The following MOCOS variants were observed in gnomAD, a reference collection of about 807,000 sequenced individuals.
MOCOS encodes the protein human molybdenum cofactor sulfurase.
In MOCOS, 86 loss-of-function variants were observed where a neutral mutation model predicts 83.6. The observed-to-expected ratio is 1.03, with a 90% CI of 0.86 to 1.23. MOCOS has a LOEUF of 1.23. Ranked by LOEUF, MOCOS falls within the 50% of genes most tolerant of loss-of-function variation. The pLI is 0.00. For missense variants in MOCOS, 1,120 were observed against 1,126.9 expected (o/e 0.99, Z 0.09); for synonymous variants, 445 against 434.7 (o/e 1.02, Z -0.29).
chr18:36,212,883 G>A (rs547591393), intron 6 of MOCOS, among the ~76,000 whole-genome samples: 35 of 152,330 alleles, frequency 2.3e-4, no homozygotes, highest in African/African-American at 8.4e-4. Flanking sequence ...GGGGAATGGA[G>A]TACTTGATTC....
intron 6 of MOCOS, 40 bp downstream of exon 6, chr18:36,205,316 A>T: frequency 6.3e-7 from 1 of 1,576,676 alleles, no homozygotes; most frequent in South Asian, 1.1e-5. Flanking sequence ...ATTACAACTC[A>T]TCCTAGTTCC....
rs766390655 is a variant in MOCOS at position 36,200,062 on chromosome 18, G to A, written c.679G>A (p.Val227Met). 7.4e-6 allele frequency: 12 copies of A among 1,614,036 alleles called. No individual in the cohort carries two copies. The highest frequency in any genetic ancestry group is 1.0e-5 in the Non-Finnish European group (12 of 1,180,008). Reference protein sequence around the residue: ...EEVKSGRLHPVSTPGKWFVLL... With the variant: ...EEVKSGRLHPMSTPGKWFVLL... ...GGTCAAGTCTGGGCGGTTGCACCCT[G>A]TGAGCACGCCTGGGAAGTGGTTTGT... Residue 227 changes from valine (V) to methionine (M), a missense_variant, in exon 4 of 15, where the codon GTG (valine) becomes ATG (methionine). Coordinates refer to ENST00000261326, the MANE Select transcript of MOCOS (RefSeq NM_017947.4).
chr18:36,222,168 T>C (rs2091498678), intron 9 of MOCOS, among the ~76,000 whole-genome samples: 1 of 152,234 alleles, frequency 6.6e-6, no homozygotes, highest in South Asian at 2.1e-4. Context: ...ATCTTGGCTA[T>C]TGGAAATAGA....
At chr18:36,266,725 T>A in intron 13 of MOCOS, 24 bp from the exon 14 acceptor site, 1 of 1,603,280 alleles carries the variant, frequency 6.2e-7, no homozygotes, top group Non-Finnish European at 8.5e-7. Flanking sequence ...GTGGCAACGC[T>A]GTGTTTTCCT....
At chr18:36,267,123 T>C (rs1374763095) in intron 14 of MOCOS, among the ~76,000 whole-genome samples, 1 of 152,190 alleles carries the variant, frequency 6.6e-6, no homozygotes, top group Non-Finnish European at 1.5e-5. Context: ...AAACAAGTAA[T>C]TCTGTTGTCT....
chr18:36,229,394 C>G (rs989509510), intron 9 of MOCOS, among the ~76,000 whole-genome samples: 16 of 152,064 alleles, frequency 1.1e-4, no homozygotes, highest in Admixed American at 1.0e-3. Context: ...TATGAGGGTT[C>G]CCTTGTATAT....
chr18:36,194,491 T>C (rs1053467760), intron 1 of MOCOS, among the ~76,000 whole-genome samples: 4 of 152,232 alleles, frequency 2.6e-5, no homozygotes, highest in Non-Finnish European at 4.4e-5. Context: ...TTGCAGGCAA[T>C]AGTTCGTCGA....
chr18:36,222,021 GCCCTATTAT>G (rs1289961514), intron 9 of MOCOS, among the ~76,000 whole-genome samples: 1 of 152,152 alleles, frequency 6.6e-6, no homozygotes, highest in Admixed American at 6.6e-5. Context: ...CACTGCGCTG[GCCCTATTAT>G]CCCATTTGTT....
intron 7 of MOCOS, among the ~76,000 whole-genome samples, 171 bp downstream of exon 7, chr18:36,213,653 G>A (rs1299762904): frequency 6.6e-6 from 1 of 152,238 alleles, no homozygotes; most frequent in Non-Finnish European, 1.5e-5. Flanking sequence ...AGAAGGCCGG[G>A]TGCGGTGGCT....
intron 11 of MOCOS, among the ~76,000 whole-genome samples, chr18:36,254,458 C>CTGTGTG (rs60813321): frequency 0.034 from 4,658 of 138,836 alleles, 116 homozygotes; most frequent in African/African-American, 0.069. Flanking sequence ...TACATTATCT[C>CTGTGTG]TGTGTGTGTG....
At chr18:36,218,808 C>T (rs2091484381) in intron 8 of MOCOS, among the ~76,000 whole-genome samples, 1 of 151,808 alleles carries the variant, frequency 6.6e-6, no homozygotes, top group African/African-American at 2.4e-5. Flanking sequence ...ACATAAGCCA[C>T]TGCGCCCAGC....
In MOCOS at chr18:36,266,966, A is replaced by G. The variant is rs1373938955; in HGVS notation, c.2514+113A>G. On this transcript the variant is annotated intron_variant, in intron 14 of 14. Transcript: ENST00000261326. ...TTTTTAAATGGGGGATTTGCTGCCC[A>G]TCCAAAGCTGTTGGGCTGCCATTAA... 15 of 898,462 alleles carry G rather than the reference A, an allele frequency of 1.7e-5. No individual in the cohort carries two copies. The East Asian group carries it at 1.8e-4, about 11-fold the overall frequency. The allele number at this position is 898,462 out of a possible 1,614,324, so 55.7% of individuals were successfully genotyped here.
At position 36,189,352 on chromosome 18, in the gene MOCOS, G is replaced by A. The variant is rs376321156; in HGVS notation, c.142+1671G>A. 1.4e-3 allele frequency among the ~76,000 whole-genome samples: 214 copies of A among 152,150 alleles called. 2 individuals carry two copies. The highest frequency in any genetic ancestry group is 4.9e-3 in the African/African-American group (203 of 41,506). ...GTTCCTTGTATTTCCTCTACATTAC[G>A]GTTAAAGCAGACATTTGTGCACTAA... On this transcript the variant is annotated intron_variant, in intron 1 of 14. Coordinates refer to ENST00000261326, the MANE Select transcript of MOCOS (RefSeq NM_017947.4).
At chr18:36,262,687 T>G (rs925692062) in intron 13 of MOCOS, among the ~76,000 whole-genome samples, 1 of 152,124 alleles carries the variant, frequency 6.6e-6, no homozygotes, top group Admixed American at 6.5e-5. Flanking sequence ...TTGGTAGAGA[T>G]GGGATTTCAC....
At chr18:36,250,404 G>A (rs534040326) in intron 10 of MOCOS, among the ~76,000 whole-genome samples, 9 of 152,290 alleles carry the variant, frequency 5.9e-5, no homozygotes, top group African/African-American at 1.7e-4. Flanking sequence ...GACCCCAGTC[G>A]TTAGTGCTCT....
intron 14 of MOCOS, among the ~76,000 whole-genome samples, chr18:36,267,685 G>A (rs1458283717): frequency 1.3e-5 from 2 of 152,144 alleles, no homozygotes; most frequent in Admixed American, 6.5e-5. Flanking sequence ...TGTTGTCTGG[G>A]GTGTGGGGAC....
intron 6 of MOCOS, among the ~76,000 whole-genome samples, chr18:36,205,925 A>G (rs2091433062): frequency 1.3e-5 from 2 of 152,102 alleles, no homozygotes. Flanking sequence ...TTTTTAGTAG[A>G]TACGGGGTTT....
intron 5 of MOCOS, among the ~76,000 whole-genome samples, chr18:36,204,619 C>G (rs1160882075): frequency 6.6e-6 from 1 of 152,108 alleles, no homozygotes. Flanking sequence ...AAGGGCAGTA[C>G]CATCCACTAT....
In MOCOS at chr18:36,268,533, G is replaced by A. The variant is rs1424715349; in HGVS notation, c.2515G>A (p.Val839Met). ...GTTGTTGTTGCTGTTTTGTTCACAG[G>A]TGAACTTTGGCATGTACCTGATGCA... ...QKLSESRETK[V>M]NFGMYLMHAS... The change falls in exon 15 of 15, where the codon GTG becomes ATG. Residue 839 changes from valine to methionine, a missense_variant and splice_region_variant. Coordinates refer to ENST00000261326, the MANE Select transcript of MOCOS (RefSeq NM_017947.4). The A allele has an allele frequency of 1.2e-6, 2 of 1,614,050 alleles. No homozygotes were observed. Among genetic ancestry groups the A allele is most frequent in the Non-Finnish European group, 1.7e-6 (2 of 1,180,030 alleles).
Sources: gnomAD v4.1 joint callset for allele counts (sites outside exome capture counted in the v4.1 genomes callset) on GRCh38, gnomAD v4.1.1 for gene constraint, MANE v1.5 for transcripts, NCBI Gene and HGNC (gene_info 2026-07-23, HGNC 2026-07-21) for gene names.